The following ACOT11 variants were observed in gnomAD, a reference collection of about 807,000 sequenced individuals.
ACOT11 encodes the protein acyl-CoA thioesterase 11, also known as acyl-coenzyme A thioesterase 11.
ACOT11 carries 69 observed loss-of-function variants against 77.5 expected under a neutral mutation model. That is an observed-to-expected ratio of 0.89 (90% CI 0.73 to 1.09). The LOEUF (loss-of-function observed/expected upper bound fraction) is 1.09, where lower values mean the gene tolerates loss of function less well. Ranked by LOEUF, ACOT11 falls within the 50% of genes least tolerant of loss-of-function variation. The pLI, the probability that ACOT11 is intolerant of heterozygous loss-of-function variation, is 0.00. For synonymous variants in ACOT11, 279 were observed against 313.0 expected, an observed-to-expected ratio of 0.89 and a Z score of 1.15; for missense variants, 766 against 813.7, an observed-to-expected ratio of 0.94 and a Z score of 0.71.
chr1:54,625,336 C>G (rs548341546), intron 15 of ACOT11, among the ~76,000 whole-genome samples: 4 of 152,160 alleles, frequency 2.6e-5, no homozygotes, highest in Admixed American at 2.6e-4. Flanking sequence ...GGTCAGTGCT[C>G]TGGGGTCTGC....
downstream of ACOT11, chr1:54,611,710 G>C: frequency 6.2e-7 from 1 of 1,614,146 alleles, no homozygotes; most frequent in East Asian, 2.2e-5. Context: ...CACCGACATG[G>C]GGTCCGAGGC....
chr1:54,610,656 C>T, downstream of ACOT11: 2 of 1,503,552 alleles, frequency 1.3e-6, no homozygotes, highest in Non-Finnish European at 1.8e-6. Flanking sequence ...GGCATCCTCT[C>T]TAAGCCTCAT....
intron 1 of ACOT11, among the ~76,000 whole-genome samples, chr1:54,571,263 T>C (rs2100962126): frequency 6.6e-6 from 1 of 152,286 alleles, no homozygotes; most frequent in South Asian, 2.1e-4. Flanking sequence ...CCCCCATGCC[T>C]TCCTGTTTCT....
chr1:54,597,525 A>G (rs933159248), intron 7 of ACOT11, 110 bp downstream of exon 7: 1 of 1,345,198 alleles, frequency 7.4e-7, no homozygotes, highest in Non-Finnish European at 9.9e-7. Context: ...TCAAGGCTTC[A>G]GAAGCTTGGC....
At chr1:54,601,103 A>G (rs41297125) in intron 8 of ACOT11, among the ~76,000 whole-genome samples, 166 bp from the exon 9 acceptor site, 21 of 144,686 alleles carry the variant, frequency 1.5e-4, no homozygotes, top group South Asian at 6.6e-4. Flanking sequence ...ATGTGTGTGT[A>G]TGTGTGTGCA....
chr1:54,567,153 C>T (rs1653761664), intron 1 of ACOT11, among the ~76,000 whole-genome samples: 1 of 152,170 alleles, frequency 6.6e-6, no homozygotes, highest in African/African-American at 2.4e-5. Flanking sequence ...TTAATAGGAT[C>T]TCACAAATTC....
chr1:54,609,668 G>A lies in ACOT11; in HGVS notation c.*556G>A, dbSNP rs41297137. 29,675 of 1,613,972 alleles carry A rather than the reference G, an allele frequency of 0.018. 379 individuals carry two copies. The highest frequency in any genetic ancestry group is 0.054 in the East Asian group (2,412 of 44,884). ...TCTGCCAGCCACATGGCCGGGGACCGAAAAACTCCCGTGGGAGATTTTGGC... is the reference window on the plus strand; with the variant it reads ...TCTGCCAGCCACATGGCCGGGGACCAAAAAACTCCCGTGGGAGATTTTGGC... On this transcript the variant is annotated 3_prime_UTR_variant, in exon 16 of 16. Coordinates refer to ENST00000343744, the MANE Select transcript of ACOT11 (RefSeq NM_147161.4).
chr1:54,581,673 C>T (rs1654313845), intron 1 of ACOT11, among the ~76,000 whole-genome samples: 1 of 152,172 alleles, frequency 6.6e-6, no homozygotes, highest in South Asian at 2.1e-4. Context: ...CTCTGGGTGT[C>T]CTCCTACCCT....
rs775212406 is a variant in ACOT11 at position 54,609,533 on chromosome 1, AG to A, written c.*422del. The A allele has an allele frequency of 3.2e-5, 52 of 1,612,866 alleles. No homozygotes were observed. Among genetic ancestry groups the A allele is most frequent in the Non-Finnish European group, 4.3e-5 (51 of 1,180,028 alleles). ...TTGCCAGAGCCCCTGGCACAACTCT[AG>A]CATATCTGTGAGCAGCTGTTCCCTG... On this transcript the variant is annotated 3_prime_UTR_variant, in exon 16 of 16. Transcript: ENST00000343744.
chr1:54,597,764 C>G (rs1209999225), intron 7 of ACOT11: 1 of 240,786 alleles, frequency 4.2e-6, no homozygotes, highest in Non-Finnish European at 8.1e-6. Flanking sequence ...TGTTCCCATC[C>G]TCCACTTTCC....
intron 4 of ACOT11, among the ~76,000 whole-genome samples, chr1:54,593,643 A>T (rs1400033783): frequency 1.3e-5 from 2 of 151,998 alleles, no homozygotes; most frequent in African/African-American, 2.4e-5. Context: ...CCTGTTGTAG[A>T]CATAGTCTCA....
intron 8 of ACOT11, chr1:54,599,642 C>G (rs1447109364): frequency 3.2e-6 from 1 of 308,746 alleles, no homozygotes; most frequent in Non-Finnish European, 5.8e-6. Flanking sequence ...AGGGACCCCT[C>G]CTCTGGGATC....
At chr1:54,619,769 GCCA>G in intron 15 of ACOT11, 1 of 1,313,010 alleles carries the variant, frequency 7.6e-7, no homozygotes, top group South Asian at 1.3e-5. Flanking sequence ...CAGCCATCAT[GCCA>G]CCACAGTGAC....
At chr1:54,639,192 CA>C (rs71254226), downstream of ACOT11, 9,355 of 54,012 alleles carry the variant, frequency 0.17, 170 homozygotes, top group East Asian at 0.28. Flanking sequence ...GATACTGTCT[CA>C]AAAAAAAAAA....
rs1643900345 is a variant in ACOT11, at chr1:54,597,409, C to T, written c.758C>T (p.Ala253Val). 6.2e-7 allele frequency: 1 copy of T among 1,611,632 alleles called. No homozygotes were observed. The part of the protein sequence containing the change: ...MAWMENVATI[A>V]ASRLCRAHPT... The stretch of plus-strand genomic sequence containing the variant: ...TGGATGGAGAATGTGGCCACCATTG[C>T]AGCCAGGTGAGGGCAGGGTGTGCTG... Residue 253 changes from alanine to valine, a missense_variant, in exon 7 of 16, where the codon GCA becomes GTA. By Grantham distance (64) the Ala-to-Val change is moderately conservative. Coordinates refer to ENST00000343744, the MANE Select transcript of ACOT11 (RefSeq NM_147161.4).
chr1:54,549,991 CT>C (rs1653006542), intron 1 of ACOT11, among the ~76,000 whole-genome samples: 1 of 152,204 alleles, frequency 6.6e-6, no homozygotes, highest in African/African-American at 2.4e-5. Context: ...AGTAACAAAT[CT>C]TCACATAGCT....
At chr1:54,555,428 A>C (rs1653226215) in intron 1 of ACOT11, among the ~76,000 whole-genome samples, 1 of 150,420 alleles carries the variant, frequency 6.6e-6, no homozygotes, top group Admixed American at 6.6e-5. Flanking sequence ...GCCCATTTTA[A>C]TTTTTTTTTC....
chr1:54,590,073 G>C (rs981456669), intron 3 of ACOT11, among the ~76,000 whole-genome samples: 2 of 150,746 alleles, frequency 1.3e-5, no homozygotes, highest in African/African-American at 4.9e-5. Flanking sequence ...GGGCAATAGA[G>C]CGAGACTCTG....
intron 6 of ACOT11, among the ~76,000 whole-genome samples, chr1:54,596,928 CGGGTCGGATTTCATGCCT>C (rs1643894361): frequency 6.6e-6 from 1 of 152,218 alleles, no homozygotes; most frequent in South Asian, 2.1e-4. Flanking sequence ...ACAGTCCTAT[CGGGTCGGATTTCATGCCT>C]GCCTTTACAG....
Sources: gnomAD v4.1 joint callset for allele counts (sites outside exome capture counted in the v4.1 genomes callset) on GRCh38, gnomAD v4.1.1 for gene constraint, MANE v1.5 for transcripts, NCBI Gene and HGNC (gene_info 2026-07-23, HGNC 2026-07-21) for gene names.